RPTOR: variants seen among roughly 807,000 people sequenced by gnomAD.
RPTOR encodes the protein regulatory-associated protein of mTOR.
A neutral mutation model predicts 169.9 loss-of-function variants in RPTOR; 21 were observed. The ratio of observed to expected loss-of-function variants is 0.12; its 90% CI spans 0.09 to 0.18. The LOEUF is 0.18. RPTOR is among the 10% of genes least tolerant of loss of function. The probability of loss-of-function intolerance (pLI) is 1.00; values close to 1 mark genes in which losing one functional copy is unlikely to be tolerated. For synonymous variants in RPTOR, 732 were observed against 753.2 expected, an observed-to-expected ratio of 0.97 and a Z score of 0.46; for missense variants, 1,133 against 1,855.9, an observed-to-expected ratio of 0.61 and a Z score of 7.16.
chr17:80,693,958 G>A (rs868515713), intron 3 of RPTOR, among the ~76,000 whole-genome samples: 6 of 152,354 alleles, frequency 3.9e-5, no homozygotes, highest in South Asian at 2.1e-4. Context: ...CCTGGCGGCC[G>A]ATGCTCTGCG....
intron 1 of RPTOR, among the ~76,000 whole-genome samples, chr17:80,550,779 C>A (rs966803157): frequency 6.6e-6 from 1 of 152,164 alleles, no homozygotes; most frequent in Non-Finnish European, 1.5e-5. Flanking sequence ...CTGATGCAGC[C>A]CCAGTCCAGG....
At chr17:80,804,343 C>T (rs1337110959) in intron 7 of RPTOR, 1 of 152,256 alleles carries the variant, frequency 6.6e-6, no homozygotes, top group East Asian at 1.9e-4. Flanking sequence ...CGATTATTTC[C>T]ATGGATGATG....
At chr17:80,700,285 C>T (rs1419638677) in intron 3 of RPTOR, among the ~76,000 whole-genome samples, 1 of 152,102 alleles carries the variant, frequency 6.6e-6, no homozygotes. Context: ...GGGAGAAGGA[C>T]CTATTGAGTT....
intron 3 of RPTOR, among the ~76,000 whole-genome samples, chr17:80,693,427 C>G (rs1238218118): frequency 6.6e-6 from 1 of 152,204 alleles, no homozygotes; most frequent in Non-Finnish European, 1.5e-5. Flanking sequence ...GAAGCAATAG[C>G]TTTTCTTTTT....
intron 7 of RPTOR, among the ~76,000 whole-genome samples, chr17:80,798,272 G>A (rs796974239): frequency 9.2e-5 from 14 of 152,300 alleles, no homozygotes; most frequent in African/African-American, 3.4e-4. Context: ...CACCATCTGT[G>A]GAATGTCCTC....
intron 33 of RPTOR, 137 bp from the exon 34 acceptor site, chr17:80,964,125 C>T (rs3751938): frequency 0.65 from 476,732 of 732,276 alleles, 156,721 homozygotes; most frequent in Admixed American, 0.77. Flanking sequence ...CCGGCATTTC[C>T]GGGCCTGAGG....
chr17:80,708,631 A>C lies in RPTOR; in HGVS notation c.507+632A>C. 7.6e-6 allele frequency among the ~76,000 whole-genome samples: 1 copy of C among 131,726 alleles called. No homozygotes were observed. Among genetic ancestry groups the C allele is most frequent in the Non-Finnish European group, 1.6e-5 (1 of 61,536 alleles). 86.4% of individuals were successfully genotyped at this position (131,726 alleles called of 152,430 possible). On this transcript the variant is annotated intron_variant, in intron 4 of 33. Transcript: ENST00000306801. The surrounding 1 kb of genome is among the most constrained non-coding windows in gnomAD (Gnocchi z 4.2). Reference sequence around the variant, plus strand: ...TGTGGTGGGTGCTGACTGTCTCCTCATCCTCCAGGGTGTGGTGGGTGCTGA... The same window carrying C: ...TGTGGTGGGTGCTGACTGTCTCCTCCTCCTCCAGGGTGTGGTGGGTGCTGA...
intron 2 of RPTOR, among the ~76,000 whole-genome samples, chr17:80,641,743 G>C: frequency 6.6e-6 from 1 of 152,192 alleles, no homozygotes; most frequent in Admixed American, 6.5e-5. Flanking sequence ...TTAGCGAGTT[G>C]TAATCTTTTA....
chr17:80,697,957 A>G (rs1221621409), intron 3 of RPTOR, among the ~76,000 whole-genome samples: 1 of 152,056 alleles, frequency 6.6e-6, no homozygotes, highest in African/African-American at 2.4e-5. Context: ...CACCAGGGAG[A>G]TGGCAGGAGC....
rs746283460 is a variant in RPTOR at position 80,925,416 on chromosome 17, C to T, written c.2855C>T (p.Ser952Phe). The T allele has an allele frequency of 6.2e-7, 1 of 1,613,742 alleles. No homozygotes were observed. The highest frequency in any genetic ancestry group is 8.5e-7 in the Non-Finnish European group (1 of 1,180,042). ...GCTGCTGGACACAAAAGTTTCATCT[C>T]CGCCACGGTGCAGACGGGGTTCTGC... Reference protein sequence around the residue: ...DDAAGHKSFISATVQTGFCDW... With the variant: ...DDAAGHKSFIFATVQTGFCDW... Residue 952 changes from serine (S) to phenylalanine (F), a missense_variant, in exon 24 of 34, where the codon TCC (serine) becomes TTC (phenylalanine). Physicochemically the swap from Ser to Phe is radical, Grantham distance 155. Around this residue, in one of 9 missense-constraint regions of RPTOR, gnomAD observed 410 missense variants for 623.7 expected, o/e 0.66. Coordinates refer to ENST00000306801, the MANE Select transcript of RPTOR (RefSeq NM_020761.3).
intron 13 of RPTOR, among the ~76,000 whole-genome samples, chr17:80,858,995 A>G (rs940380909): frequency 7.9e-5 from 12 of 152,032 alleles, no homozygotes; most frequent in Admixed American, 7.9e-4. Flanking sequence ...GGTGGAGAGC[A>G]TTTTCCTCCA....
chr17:80,872,982 C>T (rs142944032), intron 13 of RPTOR, among the ~76,000 whole-genome samples: 3 of 152,368 alleles, frequency 2.0e-5, no homozygotes, highest in Admixed American at 6.5e-5. Context: ...GCGGGCCCCC[C>T]ACCACTGAGG....
rs12946534 is a variant in RPTOR at position 80,638,976 on chromosome 17, G to A, written c.266-4752G>A. ...GCTGCAAGGGCCGCGGGTCCCGGCC[G>A]AAGCTTTCCTGTCCCAGATGCCTGC... On this transcript the variant is annotated intron_variant, in intron 2 of 33. Coordinates refer to ENST00000306801, the MANE Select transcript of RPTOR (RefSeq NM_020761.3). 2.7e-3 allele frequency among the ~76,000 whole-genome samples: 411 copies of A among 152,320 alleles called. 2 individuals are homozygous for A. The highest frequency in any genetic ancestry group is 4.3e-3 in the Non-Finnish European group (291 of 68,036).
chr17:80,914,573 C>T (rs966783826), intron 21 of RPTOR, among the ~76,000 whole-genome samples: 28 of 152,262 alleles, frequency 1.8e-4, no homozygotes, highest in African/African-American at 5.3e-4. Context: ...TCTCCCTGCT[C>T]CTGGCACCCA....
intron 20 of RPTOR, among the ~76,000 whole-genome samples, chr17:80,899,938 G>A (rs1023339800): frequency 6.6e-6 from 1 of 152,212 alleles, no homozygotes; most frequent in African/African-American, 2.4e-5. Context: ...GAGTCAGAGG[G>A]CTTGGGATTC....
intron 3 of RPTOR, among the ~76,000 whole-genome samples, chr17:80,654,287 A>C (rs761917974): frequency 1.1e-4 from 17 of 152,260 alleles, no homozygotes; most frequent in Non-Finnish European, 1.8e-4. Flanking sequence ...GCTAAGGCAC[A>C]ACAGAGGAGC....
intron 6 of RPTOR, among the ~76,000 whole-genome samples, chr17:80,788,039 T>C (rs1380623243): frequency 2.6e-5 from 4 of 152,244 alleles, no homozygotes; most frequent in Admixed American, 6.5e-5. Context: ...CATCTGAAAG[T>C]GTCTTCCTCA....
At chr17:80,873,321 C>T (rs1420148337) in intron 13 of RPTOR, among the ~76,000 whole-genome samples, 1 of 152,120 alleles carries the variant, frequency 6.6e-6, no homozygotes, top group Non-Finnish European at 1.5e-5. Flanking sequence ...GATTGGCATA[C>T]GTGATCTGGA....
chr17:80,597,052 AG>A (rs1297494014), intron 1 of RPTOR, among the ~76,000 whole-genome samples: 1 of 152,220 alleles, frequency 6.6e-6, no homozygotes, highest in Non-Finnish European at 1.5e-5. Context: ...AGAAGCTTAC[AG>A]CATCATTTCA....
Sources: allele counts gnomAD v4.1 joint callset (sites outside exome capture counted in the v4.1 genomes callset), GRCh38; gene constraint gnomAD v4.1.1; regional missense constraint gnomAD v4.1.1; non-coding constraint Gnocchi (gnomAD v3.1); transcripts MANE v1.5; gene names NCBI Gene and HGNC (gene_info 2026-07-23, HGNC 2026-07-21).